The following AGAP1 variants were observed in gnomAD, a reference collection of about 807,000 sequenced individuals.
AGAP1 encodes arf-GAP with GTPase, ANK repeat and PH domain-containing protein 1.
AGAP1 carries 29 observed loss-of-function variants against 105.3 expected under a neutral mutation model. The observed-to-expected ratio is 0.28, with a 90% CI of 0.21 to 0.38. The LOEUF is 0.38. Among genes scored for constraint, AGAP1 ranks in the 10% least tolerant of loss-of-function variants. The pLI is 1.00. For missense variants in AGAP1, 998 were observed against 1,165.1 expected, an observed-to-expected ratio of 0.86 and a Z score of 2.09; for synonymous variants, 509 against 485.9, an observed-to-expected ratio of 1.05 and a Z score of -0.63.
rs894124955 is a variant in AGAP1, at chr2:235,936,242, C to T, written c.1483+5319C>T. Among the ~76,000 whole-genome samples the T allele has an allele frequency of 2.0e-5, 3 of 152,206 alleles. No individual in the cohort carries two copies. Among genetic ancestry groups the T allele is most frequent in the Non-Finnish European group, 2.9e-5 (2 of 68,036 alleles). On this transcript the variant is annotated intron_variant, in intron 12 of 17. Transcript: ENST00000304032. This position sits in a 1 kb window ranked among gnomAD's most constrained non-coding sequence, Gnocchi z 4.7. ...CCTCCCCCAGGCCACCACGCAGCCT[C>T]GTCACCATCGAGCACAAACACCATG...
intron 16 of AGAP1, among the ~76,000 whole-genome samples, chr2:236,099,863 A>C (rs2059302861): frequency 2.6e-5 from 4 of 152,244 alleles, no homozygotes; most frequent in South Asian, 2.1e-4. Context: ...AATATGGTGA[A>C]ACCCCGTCTC....
intron 2 of AGAP1, among the ~76,000 whole-genome samples, chr2:235,713,647 A>G (rs1321826468): frequency 6.6e-6 from 1 of 152,262 alleles, no homozygotes; most frequent in Admixed American, 6.5e-5. Context: ...TCCTTGGGGC[A>G]GAGACCTAAG....
chr2:235,688,297 C>T (rs535280958), intron 1 of AGAP1, among the ~76,000 whole-genome samples: 4 of 152,228 alleles, frequency 2.6e-5, no homozygotes, highest in African/African-American at 7.2e-5. Context: ...TCTCCTTTTG[C>T]TCATTGGTGT....
intron 16 of AGAP1, among the ~76,000 whole-genome samples, chr2:236,111,596 G>T (rs1368012992): frequency 6.6e-6 from 1 of 151,940 alleles, no homozygotes; most frequent in Non-Finnish European, 1.5e-5. Flanking sequence ...TTTGAGACCA[G>T]CCTGGGCAAC....
At chr2:235,560,251 T>G (rs533595974) in intron 1 of AGAP1, among the ~76,000 whole-genome samples, 1 of 152,294 alleles carries the variant, frequency 6.6e-6, no homozygotes, top group South Asian at 2.1e-4. Flanking sequence ...CTCCACGGCA[T>G]GTTTGGCTGT....
In AGAP1 at chr2:235,698,668, C is replaced by T. The variant is rs191154101; in HGVS notation, c.164-10511C>T. ...CTAAGGTGACAATGTTCTACCGCTTCTTAGGGGTGCCAGGAACCCCTGGCG... is the reference window on the plus strand; with the variant it reads ...CTAAGGTGACAATGTTCTACCGCTTTTTAGGGGTGCCAGGAACCCCTGGCG... On this transcript the variant is annotated intron_variant, in intron 1 of 17. Transcript: ENST00000304032. Among the ~76,000 whole-genome samples the T allele has an allele frequency of 1.1e-3, 166 of 152,298 alleles. 1 individual carries two copies. The South Asian group carries it at 0.013, about 12-fold the overall frequency.
intron 9 of AGAP1, among the ~76,000 whole-genome samples, chr2:235,854,953 G>A (rs866971517): frequency 1.3e-5 from 2 of 152,126 alleles, no homozygotes; most frequent in Admixed American, 6.5e-5. Flanking sequence ...ACTTCGTCAC[G>A]TAGACTTTGT....
In AGAP1 at chr2:235,970,626, A is replaced by G. The variant is rs1021205569; in HGVS notation, c.1645+2003A>G. 6.6e-6 allele frequency among the ~76,000 whole-genome samples: 1 copy of G among 152,168 alleles called. No homozygotes were observed. The highest frequency in any genetic ancestry group is 1.5e-5 in the Non-Finnish European group (1 of 68,024). On this transcript the variant is annotated intron_variant, in intron 13 of 17. Transcript: ENST00000304032. The surrounding 1 kb of genome is among the most constrained non-coding windows in gnomAD (Gnocchi z 5.4). The stretch of plus-strand genomic sequence containing the variant: ...GGTCTGTGGTTTTTTCTTATGCACA[A>G]CCTGGTGGGAACTGACCGTTGCCAC...
At chr2:235,634,361 C>A (rs372838951) in intron 1 of AGAP1, among the ~76,000 whole-genome samples, 1 of 152,238 alleles carries the variant, frequency 6.6e-6, no homozygotes, top group East Asian at 1.9e-4. Context: ...AATTACGCAC[C>A]CTGCATATGG....
intron 1 of AGAP1, chr2:235,524,475 C>A: frequency 3.3e-6 from 1 of 306,508 alleles, no homozygotes; most frequent in South Asian, 3.0e-5. Flanking sequence ...GCAGTGGATG[C>A]GATGGGCAGT....
At chr2:235,757,774 G>A (rs1954053827) in intron 6 of AGAP1, among the ~76,000 whole-genome samples, 1 of 152,142 alleles carries the variant, frequency 6.6e-6, no homozygotes, top group Non-Finnish European at 1.5e-5. Flanking sequence ...ATCCTGGTGT[G>A]TGCAAAGAAC....
Position 235,714,354 on chromosome 2 carries a change from T to TG in AGAP1, c.223-3198dup, listed in dbSNP as rs1372088449. Among the ~76,000 whole-genome samples the TG allele has an allele frequency of 6.6e-6, 1 of 151,632 alleles. No homozygotes were observed. Among genetic ancestry groups the TG allele is most frequent in the Middle Eastern group, 3.2e-3 (1 of 316 alleles). On this transcript the variant is annotated intron_variant, in intron 2 of 17. Transcript: ENST00000304032. The surrounding 1 kb of genome is among the most constrained non-coding windows in gnomAD (Gnocchi z 4.1). ...CAACATATGAGTTTGGCTGGGAGTGTGGGGGTAGGACGGGGAAGCACAAAC... is the reference window on the plus strand; with the variant it reads ...CAACATATGAGTTTGGCTGGGAGTGTGGGGGGTAGGACGGGGAAGCACAAAC...
intron 1 of AGAP1, among the ~76,000 whole-genome samples, chr2:235,541,153 G>A (rs1943420280): frequency 1.3e-5 from 2 of 152,044 alleles, no homozygotes; most frequent in African/African-American, 4.8e-5. Context: ...TGGGCACGTG[G>A]ACTTTCATCA....
chr2:235,889,624 C>T lies in AGAP1; in HGVS notation c.1155+6175C>T, dbSNP rs2050435631. 1.3e-5 allele frequency among the ~76,000 whole-genome samples: 2 copies of T among 150,762 alleles called. No homozygotes were observed. Among genetic ancestry groups the T allele is most frequent in the African/African-American group, 4.9e-5 (2 of 40,890 alleles). ...TTTAGGAGACCAGTAATCCCTAGTT[C>T]CTTTGACTTGCAGCTCAGCCTCACT... On this transcript the variant is annotated intron_variant, in intron 10 of 17. Transcript: ENST00000304032. The surrounding 1 kb of genome is among the most constrained non-coding windows in gnomAD (Gnocchi z 4.6).
rs12478359 is a variant in AGAP1 at position 235,665,792 on chromosome 2, G to A, written c.164-43387G>A. On this transcript the variant is annotated intron_variant, in intron 1 of 17. Transcript: ENST00000304032. The surrounding 1 kb of genome is among the most constrained non-coding windows in gnomAD (Gnocchi z 5.3). Reference sequence around the variant, plus strand: ...GCCAGTTTCTACCATCAGCAGACGCGGTTCTGCTAAGATACTGCAAACGTG... The same window carrying A: ...GCCAGTTTCTACCATCAGCAGACGCAGTTCTGCTAAGATACTGCAAACGTG... Among the ~76,000 whole-genome samples the A allele has an allele frequency of 0.16, 24,755 of 152,014 alleles. 2,379 individuals carry two copies. Among genetic ancestry groups the A allele is most frequent in the East Asian group, 0.3 (1,553 of 5,152 alleles).
chr2:235,718,310 G>A (rs551058060), intron 3 of AGAP1: 125 of 947,224 alleles, frequency 1.3e-4, no homozygotes, highest in Non-Finnish European at 1.4e-4. Context: ...GTGTAACTTT[G>A]TTAAATCCAA....
At chr2:235,850,036 G>C (rs1962006993) in intron 9 of AGAP1, among the ~76,000 whole-genome samples, 1 of 152,186 alleles carries the variant, frequency 6.6e-6, no homozygotes, top group Admixed American at 6.5e-5. Flanking sequence ...GATGCCTCCT[G>C]AGCAGGTCTG....
chr2:235,937,175 G>A (rs1488791947), intron 12 of AGAP1, among the ~76,000 whole-genome samples: 4 of 152,146 alleles, frequency 2.6e-5, no homozygotes, highest in African/African-American at 7.2e-5. Flanking sequence ...AAAGGCCCCT[G>A]GGCTCTCATC....
intron 6 of AGAP1, among the ~76,000 whole-genome samples, chr2:235,797,349 C>G (rs971533705): frequency 6.6e-6 from 1 of 152,078 alleles, no homozygotes; most frequent in African/African-American, 2.4e-5. Flanking sequence ...CTATCTGTCT[C>G]CCATGTGGCT....
Sources: gnomAD v4.1 joint callset for allele counts (sites outside exome capture counted in the v4.1 genomes callset) on GRCh38, gnomAD v4.1.1 for gene constraint, Gnocchi (gnomAD v3.1) non-coding constraint, MANE v1.5 for transcripts, NCBI Gene and HGNC (gene_info 2026-07-23, HGNC 2026-07-21) for gene names.